Variants in SF3B1 observed in about 807,000 individuals in gnomAD.
SF3B1 encodes pre-mRNA processing 10.
SF3B1 carries 12 observed loss-of-function variants against 153.8 expected under a neutral mutation model. The observed-to-expected ratio is 0.08, with a 90% CI of 0.05 to 0.13. SF3B1 has a LOEUF of 0.13. SF3B1 is among the 10% of genes least tolerant of loss of function. SF3B1 has a pLI of 1.00. For synonymous variants in SF3B1, 498 were observed against 525.2 expected (o/e 0.95, Z 0.71); for missense variants, 513 against 1,606.1 (o/e 0.32, Z 11.63).
chr2:197,415,533 C>CG (rs2085135555), intron 6 of SF3B1, among the ~76,000 whole-genome samples: 1 of 152,054 alleles, frequency 6.6e-6, no homozygotes, highest in Non-Finnish European at 1.5e-5. Flanking sequence ...GGATTACAAG[C>CG]GTGAGCCACC....
chr2:197,423,945 C>T lies in SF3B1; in HGVS notation c.58G>A (p.Gly20Ser). Residue 20 changes from glycine to serine, a missense_variant, in exon 2 of 25, where the codon GGC becomes AGC. Coordinates refer to ENST00000335508, the MANE Select transcript of SF3B1 (RefSeq NM_012433.4). ...GCTTCATCAAGAGCTGCCTTCTTGCCTTGAATTTCTCGAATCTGTGCTTCA... is the reference window on the plus strand; with the variant it reads ...GCTTCATCAAGAGCTGCCTTCTTGCTTTGAATTTCTCGAATCTGTGCTTCA... ...DIEAQIREIQ[G>S]KKAALDEAQG... 6.2e-7 allele frequency: 1 copy of T among 1,610,394 alleles called. No individual in the cohort carries two copies. Among genetic ancestry groups the T allele is most frequent in the Non-Finnish European group, 8.5e-7 (1 of 1,179,146 alleles).
chr2:197,400,970 A>C lies in SF3B1; in HGVS notation c.2497-34T>G. 1 of 1,374,182 alleles carries C rather than the reference A, an allele frequency of 7.3e-7. No homozygotes were observed. Among genetic ancestry groups the C allele is most frequent in the Non-Finnish European group, 1.0e-6 (1 of 977,822 alleles). The allele number at this position is 1,374,182 out of a possible 1,614,324, so 85.1% of individuals were successfully genotyped here. On this transcript the variant is annotated intron_variant, in intron 17 of 24. Coordinates refer to ENST00000335508, the MANE Select transcript of SF3B1 (RefSeq NM_012433.4). This position sits in a 1 kb window ranked among gnomAD's most constrained non-coding sequence, Gnocchi z 5.0. ...AACAGAAAAACAAAAAACCTTTTAG[A>C]CTGCTTTTCCAAGGAAATAAAGCAA...
intron 24 of SF3B1, among the ~76,000 whole-genome samples, 162 bp from the exon 25 acceptor site, chr2:197,392,623 C>A (rs1353788799): frequency 7.2e-6 from 1 of 138,890 alleles, no homozygotes; most frequent in Admixed American, 7.6e-5. Flanking sequence ...ATGGAAGAGA[C>A]AAAACTCACT....
At chr2:197,403,399 A>T (rs960989283) in intron 12 of SF3B1, among the ~76,000 whole-genome samples, 186 bp downstream of exon 12, 1 of 152,256 alleles carries the variant, frequency 6.6e-6, no homozygotes, top group Non-Finnish European at 1.5e-5. Context: ...AAATTAAATA[A>T]TATGAACCTC....
chr2:197,412,341 AATTT>A (rs138215794), intron 6 of SF3B1, among the ~76,000 whole-genome samples: 22,753 of 145,644 alleles, frequency 0.16, 1,902 homozygotes, highest in Middle Eastern at 0.27. Context: ...TCTCTGATTT[AATTT>A]ATTTATTTAT....
intron 22 of SF3B1, among the ~76,000 whole-genome samples, chr2:197,397,004 T>C (rs898719629): frequency 2.6e-5 from 4 of 152,242 alleles, no homozygotes; most frequent in Non-Finnish European, 5.9e-5. Context: ...CATGTCATAT[T>C]CCTTGAAAAC....
chr2:197,415,949 G>A (rs1428449384), intron 6 of SF3B1, among the ~76,000 whole-genome samples: 1 of 151,050 alleles, frequency 6.6e-6, no homozygotes, highest in East Asian at 1.9e-4. Context: ...CCAGTAGCTG[G>A]GACTACAGGC....
chr2:197,397,411 T>G (rs182450977), intron 22 of SF3B1, among the ~76,000 whole-genome samples: 4 of 152,316 alleles, frequency 2.6e-5, no homozygotes, highest in Admixed American at 1.3e-4. Flanking sequence ...CATTTTAAAT[T>G]TTTCTGAAAA....
intron 9 of SF3B1, among the ~76,000 whole-genome samples, chr2:197,407,288 A>G (rs2085005856): frequency 6.6e-6 from 1 of 152,138 alleles, no homozygotes; most frequent in Admixed American, 6.5e-5. Flanking sequence ...AAAATTTTAT[A>G]GTTCAAAATA....
At chr2:197,404,999 T>A (rs2084974814) in intron 11 of SF3B1, 77 bp downstream of exon 11, 2 of 995,912 alleles carry the variant, frequency 2.0e-6, no homozygotes. Flanking sequence ...CAAAACCCTG[T>A]CTCTACAAAA....
intron 7 of SF3B1, among the ~76,000 whole-genome samples, chr2:197,409,141 T>C (rs545231330): frequency 3.3e-5 from 5 of 152,070 alleles, no homozygotes; most frequent in Non-Finnish European, 7.4e-5. Context: ...GGCTCATGCC[T>C]GTAATCCCAG....
chr2:197,400,449 T>A lies in SF3B1; in HGVS notation c.2719-15A>T, dbSNP rs788017. 1,039,507 of 1,544,212 alleles carry A rather than the reference T, an allele frequency of 0.67. 352,146 individuals carry two copies. The highest frequency in any genetic ancestry group is 0.85 in the Middle Eastern group (4,896 of 5,738). Reference sequence around the variant, plus strand: ...ATTACTGAGTCCTAAAAAATAAATTTAAAAAAAAGACATATTCATTTGGTT... The same window carrying A: ...ATTACTGAGTCCTAAAAAATAAATTAAAAAAAAAGACATATTCATTTGGTT... On this transcript the variant is annotated splice_polypyrimidine_tract_variant and intron_variant, in intron 18 of 24. Transcript: ENST00000335508. The surrounding 1 kb of genome is among the most constrained non-coding windows in gnomAD (Gnocchi z 5.0).
chr2:197,393,354 A>AT, intron 23 of SF3B1, 166 bp from the exon 24 acceptor site: 1 of 617,168 alleles, frequency 1.6e-6, no homozygotes, highest in East Asian at 2.7e-5. Flanking sequence ...AACATTTCAT[A>AT]TATCTAATAT....
chr2:197,410,290 C>A (rs2085049392), intron 6 of SF3B1, among the ~76,000 whole-genome samples: 1 of 152,096 alleles, frequency 6.6e-6, no homozygotes, highest in Non-Finnish European at 1.5e-5. Flanking sequence ...ATTAATAGCT[C>A]TGTGACTGGG....
rs2084905063 is a variant in SF3B1 at position 197,398,811 on chromosome 2, T to C, written c.3014-230A>G. On this transcript the variant is annotated intron_variant, in intron 20 of 24. Coordinates refer to ENST00000335508, the MANE Select transcript of SF3B1 (RefSeq NM_012433.4). ...ATCAGTGAAGTGATTTAAAGGATGATGGATACTCAATAACAAAAAAGTTTT... is the reference window on the plus strand; with the variant it reads ...ATCAGTGAAGTGATTTAAAGGATGACGGATACTCAATAACAAAAAAGTTTT... 45 of 530,942 alleles carry C rather than the reference T, an allele frequency of 8.5e-5. No homozygotes were observed. The South Asian group carries it at 9.2e-4, about 11-fold the overall frequency. The allele number at this position is 530,942 out of a possible 1,614,324, so 32.9% of individuals were successfully genotyped here. A position where few individuals can be genotyped will look rare whatever the true frequency, so the allele number is the denominator to read the frequency against.
At position 197,401,770 on chromosome 2, in the gene SF3B1, T is replaced by C. The variant is rs756424171; in HGVS notation, c.2342A>G (p.Asp781Gly). The change falls in exon 16 of 25, where the codon GAT becomes GGT. Residue 781 changes from aspartate to glycine, a missense_variant. Around this residue, in one of 21 missense-constraint regions of SF3B1, gnomAD observed 50 missense variants for 236.5 expected, o/e 0.21. Coordinates refer to ENST00000335508, the MANE Select transcript of SF3B1 (RefSeq NM_012433.4). The surrounding 1 kb of genome is among the most constrained non-coding windows in gnomAD (Gnocchi z 4.2). Reference protein sequence around the residue: ...LILIREFQSPDEEMKKIVLKV... With the variant: ...LILIREFQSPGEEMKKIVLKV... ...CAGCACAATTTTTTTCATTTCCTCA[T>C]CAGGAGACTGGAATTCTCGAATAAG... 2 of 1,610,864 alleles carry C rather than the reference T, an allele frequency of 1.2e-6. No individual in the cohort carries two copies. The highest frequency in any genetic ancestry group is 1.1e-5 in the South Asian group (1 of 90,200).
At chr2:197,407,047 C>T (rs886182531) in intron 9 of SF3B1, among the ~76,000 whole-genome samples, 1 of 152,016 alleles carries the variant, frequency 6.6e-6, no homozygotes, top group Non-Finnish European at 1.5e-5. Flanking sequence ...ATGTCAGCGC[C>T]ACTGCTCTCC....
chr2:197,394,013 G>A (rs1031594828), intron 23 of SF3B1, among the ~76,000 whole-genome samples: 6 of 151,946 alleles, frequency 3.9e-5, no homozygotes, highest in South Asian at 4.2e-4. Flanking sequence ...GTGAAACCCC[G>A]TCTCTACTAA....
rs139897764 is a variant in SF3B1 at position 197,428,749 on chromosome 2, C to A, written c.29-4775G>T. Among the ~76,000 whole-genome samples the A allele has an allele frequency of 9.1e-3, 1,391 of 152,084 alleles. 25 individuals carry two copies. Among genetic ancestry groups the A allele is most frequent in the African/African-American group, 0.032 (1,324 of 41,468 alleles). ...TCTTCACTAAAAATACAAAAATTAG[C>A]CAGACATGGTGGTGGCACGCCTGTA... On this transcript the variant is annotated intron_variant, in intron 1 of 24. Coordinates refer to ENST00000335508, the MANE Select transcript of SF3B1 (RefSeq NM_012433.4).
Sources: allele counts gnomAD v4.1 joint callset (sites outside exome capture counted in the v4.1 genomes callset), GRCh38; gene constraint gnomAD v4.1.1; regional missense constraint gnomAD v4.1.1; non-coding constraint Gnocchi (gnomAD v3.1); transcripts MANE v1.5; gene names NCBI Gene and HGNC (gene_info 2026-07-23, HGNC 2026-07-21).